Variants in SVEP1 observed in about 807,000 individuals in gnomAD.
SVEP1 encodes sushi, von Willebrand factor type A, EGF and pentraxin domain-containing protein 1.
A neutral mutation model predicts 367.3 loss-of-function variants in SVEP1; 164 were observed. The ratio of observed to expected loss-of-function variants is 0.45; its 90% CI spans 0.39 to 0.51. The LOEUF (loss-of-function observed/expected upper bound fraction) is 0.51, where lower values mean the gene tolerates loss of function less well. Ranked by LOEUF, SVEP1 falls within the 20% of genes least tolerant of loss-of-function variation. SVEP1 has a pLI of 0.00. For missense variants in SVEP1, 4,117 were observed against 4,425.3 expected (o/e 0.93, Z 1.98); for synonymous variants, 1,666 against 1,611.6 (o/e 1.03, Z -0.81).
chr9:110,491,735 A>G lies in SVEP1; in HGVS notation c.1801-1956T>C, dbSNP rs187135447. ...GACACAGAGGAAAACTTAAGAGTAT[A>G]AATCATGGAATAGATAATAGACATA... is the stretch of plus-strand genomic sequence containing the variant. On this transcript the variant is annotated intron_variant, in intron 8 of 47. Transcript: ENST00000374469. 8.6e-4 allele frequency among the ~76,000 whole-genome samples: 131 copies of G among 152,156 alleles called. 1 individual carries two copies. The highest frequency in any genetic ancestry group is 3.1e-3 in the African/African-American group (127 of 41,532).
chr9:110,498,764 T>C (rs1356314293), intron 7 of SVEP1, among the ~76,000 whole-genome samples: 1 of 152,184 alleles, frequency 6.6e-6, no homozygotes, highest in Non-Finnish European at 1.5e-5. Flanking sequence ...GACCAAGACT[T>C]CCCTAAAGAT....
intron 17 of SVEP1, 81 bp from the exon 18 acceptor site, chr9:110,466,107 G>A (rs1828933481): frequency 7.1e-7 from 1 of 1,409,960 alleles, no homozygotes; most frequent in Non-Finnish European, 9.4e-7. Flanking sequence ...AGGGTTTTCT[G>A]CATTTTAGTT....
Position 110,432,103 on chromosome 9 carries a change from AC to A in SVEP1, c.5234-70del. ...CCGTATGTATCAAACATCTGTTTTT[AC>A]TTTTAAATCATTACATATCACGTAA... On this transcript the variant is annotated intron_variant, in intron 31 of 47. Transcript: ENST00000374469. 7.3e-6 allele frequency: 11 copies of A among 1,506,064 alleles called. No homozygotes were observed. The South Asian group carries it at 1.2e-4, about 17-fold the overall frequency. 93.3% of individuals were successfully genotyped at this position (1,506,064 alleles called of 1,614,324 possible).
intron 41 of SVEP1, among the ~76,000 whole-genome samples, chr9:110,387,846 A>G (rs903051051): frequency 6.6e-6 from 1 of 152,262 alleles, no homozygotes; most frequent in Non-Finnish European, 1.5e-5. Flanking sequence ...AATAAAATAG[A>G]GGATGCCCTG....
intron 36 of SVEP1, among the ~76,000 whole-genome samples, chr9:110,416,871 A>C (rs558504659): frequency 6.6e-6 from 1 of 152,170 alleles, no homozygotes; most frequent in East Asian, 1.9e-4. Flanking sequence ...TGTTCTGTAC[A>C]TTGTAGGATA....
chr9:110,452,367 CAA>C (rs1231852515), intron 22 of SVEP1, among the ~76,000 whole-genome samples: 1 of 152,114 alleles, frequency 6.6e-6, no homozygotes, highest in Non-Finnish European at 1.5e-5. Context: ...ATTCTTGTCA[CAA>C]GTTTTTACTA....
chr9:110,572,784 T>A (rs1830580125), intron 1 of SVEP1, among the ~76,000 whole-genome samples: 2 of 65,584 alleles, frequency 3.0e-5, no homozygotes, highest in Admixed American at 2.0e-4. Context: ...CCTCTCTCTC[T>A]CTCACAAAAA....
chr9:110,499,654 C>A (rs1462167560), intron 6 of SVEP1, among the ~76,000 whole-genome samples: 1 of 152,178 alleles, frequency 6.6e-6, no homozygotes, highest in Non-Finnish European at 1.5e-5. Flanking sequence ...TATTTTTAAG[C>A]AAGCATATAA....
intron 9 of SVEP1, among the ~76,000 whole-genome samples, chr9:110,486,040 T>C (rs775156831): frequency 6.6e-6 from 1 of 152,196 alleles, no homozygotes; most frequent in Non-Finnish European, 1.5e-5. Context: ...AGACCAGTGA[T>C]GCAGTCTCTT....
chr9:110,432,498 T>C lies in SVEP1; in HGVS notation c.5197A>G (p.Asn1733Asp), dbSNP rs1372671823. 1 of 1,613,530 alleles carries C rather than the reference T, an allele frequency of 6.2e-7. No homozygotes were observed. The highest frequency in any genetic ancestry group is 8.5e-7 in the Non-Finnish European group (1 of 1,179,760). Residue 1733 changes from asparagine to aspartate, a missense_variant, in exon 31 of 48, where the codon AAT (asparagine) becomes GAT (aspartate). By Grantham distance (23) the Asn-to-Asp change is conservative. Around this residue, in one of 4 missense-constraint regions of SVEP1, gnomAD observed 2,174 missense variants for 2,494.3 expected, o/e 0.87. Transcript: ENST00000374469. ...GGTGAAACGCCGTTCCAGCTCCCAT[T>C]ATCTGTACAGAACATCCTTGAGTCA... Reference protein sequence around the residue: ...LGDSRMFCTDNGSWNGVSPSC... With the variant: ...LGDSRMFCTDDGSWNGVSPSC...
At chr9:110,471,217 T>G (rs1829012143) in intron 16 of SVEP1, 147 bp downstream of exon 16, 2 of 671,580 alleles carry the variant, frequency 3.0e-6, no homozygotes. Flanking sequence ...CCTTAGACTC[T>G]TGAGACAAAA....
At chr9:110,373,006 T>A (rs991703825) in intron 46 of SVEP1, among the ~76,000 whole-genome samples, 1 of 151,976 alleles carries the variant, frequency 6.6e-6, no homozygotes, top group Non-Finnish European at 1.5e-5. Flanking sequence ...TGATCCAGAG[T>A]CTTTTACTGA....
At chr9:110,510,485 G>C (rs964618798) in intron 5 of SVEP1, among the ~76,000 whole-genome samples, 5 of 152,168 alleles carry the variant, frequency 3.3e-5, no homozygotes, top group African/African-American at 4.8e-5. Flanking sequence ...CACGTGTAGA[G>C]GTCACCCCAT....
chr9:110,466,706 A>G lies in SVEP1; in HGVS notation c.3161-680T>C, dbSNP rs1434428323. Reference sequence around the variant, plus strand: ...AACCCGGGAGGCGGAGCTTGCAGTGAGCCGAGATCCCGCCACTGCACTCCA... The same window carrying G: ...AACCCGGGAGGCGGAGCTTGCAGTGGGCCGAGATCCCGCCACTGCACTCCA... On this transcript the variant is annotated intron_variant, in intron 17 of 47. Coordinates refer to ENST00000374469, the MANE Select transcript of SVEP1 (RefSeq NM_153366.4). Among the ~76,000 whole-genome samples the G allele has an allele frequency of 2.6e-5, 3 of 117,324 alleles. No homozygotes were observed. In the East Asian group the frequency reaches 9.1e-4, roughly 36 times the overall value. 77.0% of individuals were successfully genotyped at this position (117,324 alleles called of 152,430 possible).
rs761203721 is a variant in SVEP1, at chr9:110,458,495, T to C, written c.3552A>G (p.Lys1184=). 3.7e-6 allele frequency: 6 copies of C among 1,612,822 alleles called. No individual in the cohort carries two copies. In the East Asian group the frequency reaches 1.3e-4, roughly 36 times the overall value. ...CCTGACTGCTGATTTCATGCCTCTT[T>C]TTAATATGTCCAAGAGAGGCAGGGG... is the stretch of plus-strand genomic sequence containing the variant. The part of the protein sequence containing the change: ...VVPPASLGHI[K]KRHEISSQVF... The change falls in exon 20 of 48, where the codon AAA becomes AAG. Residue 1184 remains lysine, a synonymous_variant. Transcript: ENST00000374469.
chr9:110,558,948 CAATTAA>C (rs1217775284), intron 1 of SVEP1, among the ~76,000 whole-genome samples: 1 of 151,850 alleles, frequency 6.6e-6, no homozygotes, highest in Non-Finnish European at 1.5e-5. Context: ...ATTATTACCC[CAATTAA>C]AAGGAAGTAA....
chr9:110,367,521 C>T (rs575602712), intron 47 of SVEP1, among the ~76,000 whole-genome samples: 5 of 152,266 alleles, frequency 3.3e-5, no homozygotes, highest in East Asian at 1.9e-4. Flanking sequence ...AAAACTTATA[C>T]GGTAACATTT....
Position 110,555,955 on chromosome 9 carries a change from T to C in SVEP1, c.532-5851A>G, listed in dbSNP as rs145445304. Among the ~76,000 whole-genome samples the C allele has an allele frequency of 2.3e-3, 350 of 152,358 alleles. 1 individual carries two copies. The highest frequency in any genetic ancestry group is 0.014 in the Middle Eastern group (4 of 294). ...TTAGAAGGCCAGCACTTGATTCTCT[T>C]TTCAATGTTCCTGAAATAGTTTACA... is the stretch of plus-strand genomic sequence containing the variant. On this transcript the variant is annotated intron_variant, in intron 1 of 47. Transcript: ENST00000374469.
chr9:110,471,635 T>A (rs760377349), intron 15 of SVEP1, 38 bp from the exon 16 acceptor site: 33 of 1,476,180 alleles, frequency 2.2e-5, no homozygotes, highest in Admixed American at 1.6e-4. Context: ...CACAAACACA[T>A]GGTGTTTCAG....
Sources: gnomAD v4.1 joint callset for allele counts (sites outside exome capture counted in the v4.1 genomes callset) on GRCh38, gnomAD v4.1.1 for gene constraint, gnomAD v4.1.1 regional missense constraint, MANE v1.5 for transcripts, NCBI Gene and HGNC (gene_info 2026-07-23, HGNC 2026-07-21) for gene names.